TRAF1: variants seen among roughly 807,000 people sequenced by gnomAD.
TRAF1 encodes the protein TNF receptor associated factor 1, also known as TNF receptor-associated factor 1.
TRAF1 carries 23 observed loss-of-function variants against 40.9 expected under a neutral mutation model. The observed-to-expected ratio is 0.56, with a 90% CI of 0.40 to 0.80. The LOEUF is 0.80. Ranked by LOEUF, TRAF1 falls within the 30% of genes least tolerant of loss-of-function variation. TRAF1 has a pLI of 0.00. For missense variants in TRAF1, 477 were observed against 528.7 expected (o/e 0.90, Z 0.96); for synonymous variants, 206 against 218.8 (o/e 0.94, Z 0.52).
chr9:120,913,351 G>A lies in TRAF1; in HGVS notation c.682C>T (p.Arg228Cys), dbSNP rs376499217. The change falls in exon 5 of 8, where the codon CGC becomes TGC. Residue 228 changes from arginine (R) to cysteine (C), a missense_variant. Arg to Cys is a radical substitution (Grantham distance 180). Coordinates refer to ENST00000373887, the MANE Select transcript of TRAF1 (RefSeq NM_005658.5). ...ACCCTCTGCTCCAAGCTCAGGATGCGCTCACGGTCCAGCTGGCTCTGGTGG... is the reference window on the plus strand; with the variant it reads ...ACCCTCTGCTCCAAGCTCAGGATGCACTCACGGTCCAGCTGGCTCTGGTGG... ...SIHQSQLDRE[R>C]ILSLEQRVVE... The A allele has an allele frequency of 6.8e-6, 11 of 1,611,380 alleles. No individual in the cohort carries two copies. Among genetic ancestry groups the A allele is most frequent in the African/African-American group, 2.7e-5 (2 of 74,876 alleles).
chr9:120,904,912 C>G lies in TRAF1; in HGVS notation c.*108G>C. The G allele has an allele frequency of 8.6e-7, 1 of 1,157,868 alleles. No homozygotes were observed. The highest frequency in any genetic ancestry group is 1.2e-6 in the Non-Finnish European group (1 of 812,956). The allele number at this position is 1,157,868 out of a possible 1,614,324, so 71.7% of individuals were successfully genotyped here. On this transcript the variant is annotated 3_prime_UTR_variant, in exon 8 of 8. Coordinates refer to ENST00000373887, the MANE Select transcript of TRAF1 (RefSeq NM_005658.5). ...CTCAGTCTTGCTTGGATCATGCCAGCCTTCACCCATCTTTGTGCCCTGAGG... is the reference window on the plus strand; with the variant it reads ...CTCAGTCTTGCTTGGATCATGCCAGGCTTCACCCATCTTTGTGCCCTGAGG...
chr9:120,913,266 C>A lies in TRAF1; in HGVS notation c.705+62G>T, dbSNP rs2131624839. ...GAATGATTAGGAGGAAGCCTGTCTG[C>A]CGCTCTGGAGACAGGATGGGGCTCA... On this transcript the variant is annotated intron_variant, in intron 5 of 7. Coordinates refer to ENST00000373887, the MANE Select transcript of TRAF1 (RefSeq NM_005658.5). The A allele has an allele frequency of 5.3e-6, 8 of 1,519,180 alleles. No individual in the cohort carries two copies. In the South Asian group the frequency reaches 1.0e-4, roughly 20 times the overall value. The allele number at this position is 1,519,180 out of a possible 1,614,324, so 94.1% of individuals were successfully genotyped here.
chr9:120,914,179 C>T (rs2046552363), intron 4 of TRAF1, 56 bp downstream of exon 4: 4 of 1,390,670 alleles, frequency 2.9e-6, no homozygotes, highest in Admixed American at 2.4e-5. Flanking sequence ...AGTGGGGAGA[C>T]CTGGAGGTCT....
At chr9:120,912,832 G>T (rs746130763) in intron 5 of TRAF1, among the ~76,000 whole-genome samples, 3 of 152,210 alleles carry the variant, frequency 2.0e-5, no homozygotes, top group African/African-American at 4.8e-5. Context: ...ATGGCAATGT[G>T]AAGCAGCATG....
chr9:120,906,175 T>G (rs952458237), intron 7 of TRAF1, among the ~76,000 whole-genome samples: 21 of 55,786 alleles, frequency 3.8e-4, no homozygotes, highest in African/African-American at 1.8e-3. Context: ...TATGGTGTGT[T>G]TTTTTTTTTT....
Position 120,911,517 on chromosome 9 carries a change from T to C in TRAF1, c.706-4A>G, listed in dbSNP as rs2046527366. 6.2e-7 allele frequency: 1 copy of C among 1,606,548 alleles called. No homozygotes were observed. Among genetic ancestry groups the C allele is most frequent in the African/African-American group, 1.3e-5 (1 of 74,806 alleles). Reference sequence around the variant, plus strand: ...GGGTCTGCTGAAGCTCCACCACCTGTAGGGAAGACTGTTCAGCCAGGAACA... The same window carrying C: ...GGGTCTGCTGAAGCTCCACCACCTGCAGGGAAGACTGTTCAGCCAGGAACA... On this transcript the variant is annotated splice_region_variant and splice_polypyrimidine_tract_variant and intron_variant, in intron 5 of 7. Transcript: ENST00000373887.
At chr9:120,908,379 A>C (rs1415670909) in intron 7 of TRAF1, among the ~76,000 whole-genome samples, 1 of 151,348 alleles carries the variant, frequency 6.6e-6, no homozygotes. Flanking sequence ...TATTCAATAC[A>C]TTGAAAATAA....
chr9:120,914,163 G>T, intron 4 of TRAF1, 72 bp downstream of exon 4: 1 of 1,282,994 alleles, frequency 7.8e-7, no homozygotes, highest in Non-Finnish European at 1.0e-6. Context: ...ATCATGGAGG[G>T]GCTGCAGTGG....
chr9:120,910,448 T>C (rs987345523), intron 6 of TRAF1, among the ~76,000 whole-genome samples: 2 of 152,210 alleles, frequency 1.3e-5, no homozygotes, highest in African/African-American at 4.8e-5. Flanking sequence ...TTGCCTGGAC[T>C]GGAGTTCAGT....
At chr9:120,917,570 T>C (rs534152676) in intron 3 of TRAF1, among the ~76,000 whole-genome samples, 1 of 152,326 alleles carries the variant, frequency 6.6e-6, no homozygotes, top group African/African-American at 2.4e-5. Context: ...TTTATTATCG[T>C]ACAGTTCTGG....
chr9:120,910,126 C>G (rs556944279), intron 6 of TRAF1, among the ~76,000 whole-genome samples: 1 of 152,282 alleles, frequency 6.6e-6, no homozygotes, highest in African/African-American at 2.4e-5. Flanking sequence ...GAGAGGCTGA[C>G]TGGGGACATG....
At chr9:120,921,459 G>A (rs1017068700) in intron 3 of TRAF1, among the ~76,000 whole-genome samples, 2 of 152,102 alleles carry the variant, frequency 1.3e-5, no homozygotes, top group African/African-American at 2.4e-5. Flanking sequence ...CACAATAAAT[G>A]TGTATTAATT....
Position 120,904,858 on chromosome 9 carries a change from T to G in TRAF1, c.*162A>C. On this transcript the variant is annotated 3_prime_UTR_variant, in exon 8 of 8. Coordinates refer to ENST00000373887, the MANE Select transcript of TRAF1 (RefSeq NM_005658.5). ...GGGCCCAGCCCACGTCCTGCCATCC[T>G]AACCAGATGGCCAGCCCGAAGTCGA... is the stretch of plus-strand genomic sequence containing the variant. 1.4e-6 allele frequency: 1 copy of G among 735,152 alleles called. No individual in the cohort carries two copies. Among genetic ancestry groups the G allele is most frequent in the South Asian group, 1.8e-5 (1 of 54,150 alleles). The allele number at this position is 735,152 out of a possible 1,614,324, so 45.5% of individuals were successfully genotyped here. A position where few individuals can be genotyped will look rare whatever the true frequency, so the allele number is the denominator to read the frequency against.
In TRAF1 at chr9:120,903,219, G is replaced by A. The variant is rs2046452883; in HGVS notation, c.*1801C>T. 6.6e-6 allele frequency: 1 copy of A among 152,242 alleles called. No individual in the cohort carries two copies. The highest frequency in any genetic ancestry group is 1.5e-5 in the Non-Finnish European group (1 of 68,046). The allele number at this position is 152,242 out of a possible 1,614,324, so 9.4% of individuals were successfully genotyped here. A position where few individuals can be genotyped will look rare whatever the true frequency, so the allele number is the denominator to read the frequency against. On this transcript the variant is annotated 3_prime_UTR_variant, in exon 8 of 8. Coordinates refer to ENST00000373887, the MANE Select transcript of TRAF1 (RefSeq NM_005658.5). ...TCAGCCGTGGGAACAATAAAAAGCA[G>A]CCCCAGAATGTTTGCTGCTGTCGTG...
intron 7 of TRAF1, among the ~76,000 whole-genome samples, chr9:120,908,281 C>A (rs540649621): frequency 6.6e-6 from 1 of 152,158 alleles, no homozygotes; most frequent in South Asian, 2.1e-4. Flanking sequence ...TTAATAACTC[C>A]AAAGAAATCT....
chr9:120,907,137 C>T (rs1381266531), intron 7 of TRAF1, among the ~76,000 whole-genome samples: 1 of 152,226 alleles, frequency 6.6e-6, no homozygotes, highest in Non-Finnish European at 1.5e-5. Context: ...GCTGATATTA[C>T]AGGCGAGAGC....
intron 2 of TRAF1, 147 bp downstream of exon 2, chr9:120,925,789 G>A: frequency 8.6e-7 from 1 of 1,156,624 alleles, no homozygotes; most frequent in Non-Finnish European, 1.2e-6. Context: ...GCAGTGTCAG[G>A]GAGTGTGAGA....
chr9:120,922,231 C>T (rs545970237), intron 3 of TRAF1, among the ~76,000 whole-genome samples: 16 of 152,238 alleles, frequency 1.1e-4, no homozygotes, highest in Admixed American at 8.5e-4. Context: ...TGTTTGGATT[C>T]GTGGACCAAT....
chr9:120,923,575 C>G, intron 3 of TRAF1, 130 bp downstream of exon 3: 1 of 810,288 alleles, frequency 1.2e-6, no homozygotes, highest in Non-Finnish European at 2.1e-6. Context: ...CCTTATAAAG[C>G]AAATTCAGTC....
Sources: gnomAD v4.1 joint callset for allele counts (sites outside exome capture counted in the v4.1 genomes callset) on GRCh38, gnomAD v4.1.1 for gene constraint, MANE v1.5 for transcripts, NCBI Gene and HGNC (gene_info 2026-07-23, HGNC 2026-07-21) for gene names.